MKRN1: variants seen among roughly 807,000 people sequenced by gnomAD.
MKRN1 encodes the protein E3 ubiquitin-protein ligase makorin-1.
Under a neutral mutation model 55.5 loss-of-function variants are expected in MKRN1, and 9 were observed. The ratio of observed to expected loss-of-function variants is 0.16; its 90% CI spans 0.10 to 0.28. The LOEUF is 0.28. MKRN1 is among the 10% of genes least tolerant of loss of function. The pLI is 1.00. For missense variants in MKRN1, 488 were observed against 626.7 expected, an observed-to-expected ratio of 0.78 and a Z score of 2.36; for synonymous variants, 253 against 235.9, an observed-to-expected ratio of 1.07 and a Z score of -0.66.
At chr7:140,477,423 G>A (rs1795156782) in intron 1 of MKRN1, among the ~76,000 whole-genome samples, 1 of 152,032 alleles carries the variant, frequency 6.6e-6, no homozygotes, top group African/African-American at 2.4e-5. Context: ...CTGGGTTCAA[G>A]CAACTCCCTG....
chr7:140,453,442 CCACAAAAACAAA>C lies in MKRN1; in HGVS notation c.*1063_*1074del, dbSNP rs1300383705. ...CTCAGGGGTGGAATGAGGCAAATAC[CCACAAAAACAAA>C]CACAAAAACCCGACAACAAAATGCC... is the stretch of plus-strand genomic sequence containing the variant. On this transcript the variant is annotated 3_prime_UTR_variant, in exon 8 of 8. Coordinates refer to ENST00000255977, the MANE Select transcript of MKRN1 (RefSeq NM_013446.4). 2 of 152,498 alleles carry C rather than the reference CCACAAAAACAAA, an allele frequency of 1.3e-5. No homozygotes were observed. The highest frequency in any genetic ancestry group is 2.4e-5 in the African/African-American group (1 of 41,390). 9.4% of individuals were successfully genotyped at this position (152,498 alleles called of 1,614,324 possible).
At chr7:140,471,817 C>G in intron 2 of MKRN1, 66 bp downstream of exon 2, 1 of 1,569,946 alleles carries the variant, frequency 6.4e-7, no homozygotes, top group Middle Eastern at 1.8e-4. Flanking sequence ...ATAAAGCTAT[C>G]AGAAGTATGT....
chr7:140,462,734 G>A (rs1278131378), intron 2 of MKRN1, among the ~76,000 whole-genome samples: 1 of 152,202 alleles, frequency 6.6e-6, no homozygotes, highest in Admixed American at 6.5e-5. Context: ...GGAGGCTGAG[G>A]TGGGTGGATC....
At chr7:140,455,023 C>T (rs1335774109) in intron 7 of MKRN1, 72 bp downstream of exon 7, 12 of 1,573,030 alleles carry the variant, frequency 7.6e-6, no homozygotes, top group Non-Finnish European at 9.5e-6. Context: ...TCTCCTTCCC[C>T]TACCCCAATA....
intron 3 of MKRN1, 84 bp from the exon 4 acceptor site, chr7:140,459,317 GAAAAT>G: frequency 3.6e-6 from 5 of 1,391,888 alleles, no homozygotes; most frequent in Non-Finnish European, 3.0e-6. Context: ...CGCAAAAAAT[GAAAAT>G]AAAACTGCAA....
chr7:140,474,065 G>C (rs564646288), intron 1 of MKRN1, among the ~76,000 whole-genome samples: 1 of 139,438 alleles, frequency 7.2e-6, no homozygotes, highest in South Asian at 2.5e-4. Flanking sequence ...AAGAAAGAAA[G>C]AATAAAAGAC....
intron 2 of MKRN1, among the ~76,000 whole-genome samples, chr7:140,465,815 C>T (rs1286594617): frequency 1.3e-5 from 2 of 152,068 alleles, no homozygotes; most frequent in African/African-American, 2.4e-5. Flanking sequence ...GGTGTGGTGG[C>T]TCACGCCTGT....
At chr7:140,456,929 C>A in intron 4 of MKRN1, 63 bp from the exon 5 acceptor site, 4 of 1,469,342 alleles carry the variant, frequency 2.7e-6, no homozygotes, top group East Asian at 2.3e-5. Context: ...ACTTGAGCAA[C>A]AGTTAATGAT....
chr7:140,460,597 G>T (rs925386581), intron 2 of MKRN1, among the ~76,000 whole-genome samples: 3 of 151,964 alleles, frequency 2.0e-5, no homozygotes, highest in African/African-American at 7.2e-5. Flanking sequence ...CACCACGTAC[G>T]GCCATATATT....
In MKRN1 at chr7:140,453,229, G is replaced by A. The variant is rs1268923049; in HGVS notation, c.*1288C>T. 2.0e-5 allele frequency: 3 copies of A among 152,582 alleles called. No individual in the cohort carries two copies. Among genetic ancestry groups the A allele is most frequent in the African/African-American group, 7.2e-5 (3 of 41,452 alleles). 9.5% of individuals were successfully genotyped at this position (152,582 alleles called of 1,614,324 possible). A position where few individuals can be genotyped will look rare whatever the true frequency, so the allele number is the denominator to read the frequency against. ...ATCCCCGAGTTATTTTCAGGAAACA[G>A]AGCAACAAAACACAAAGGTACAATT... is the stretch of plus-strand genomic sequence containing the variant. On this transcript the variant is annotated 3_prime_UTR_variant, in exon 8 of 8. Coordinates refer to ENST00000255977, the MANE Select transcript of MKRN1 (RefSeq NM_013446.4).
In MKRN1 at chr7:140,453,814, G is replaced by C. The variant is rs1794396079; in HGVS notation, c.*703C>G. 1.3e-5 allele frequency: 2 copies of C among 155,450 alleles called. No homozygotes were observed. Among genetic ancestry groups the C allele is most frequent in the Admixed American group, 1.3e-4 (2 of 15,998 alleles). The allele number at this position is 155,450 out of a possible 1,614,324, so 9.6% of individuals were successfully genotyped here. ...ACACCCACACACTCACACCATGTCA[G>C]CCCTTGGGAGCCAACTTCCAACTCT... On this transcript the variant is annotated 3_prime_UTR_variant, in exon 8 of 8. Coordinates refer to ENST00000255977, the MANE Select transcript of MKRN1 (RefSeq NM_013446.4).
At chr7:140,455,987 C>G in intron 5 of MKRN1, 87 bp from the exon 6 acceptor site, 1 of 1,222,618 alleles carries the variant, frequency 8.2e-7, no homozygotes, top group Non-Finnish European at 1.2e-6. Context: ...CGCCTCCAGA[C>G]TTAAAGACTT....
At chr7:140,459,527 C>A (rs1794558151) in intron 3 of MKRN1, among the ~76,000 whole-genome samples, 180 bp downstream of exon 3, 1 of 152,104 alleles carries the variant, frequency 6.6e-6, no homozygotes, top group African/African-American at 2.4e-5. Context: ...ATTCATTTCA[C>A]TGGGATTAAA....
At chr7:140,458,891 C>T in intron 4 of MKRN1, 116 bp downstream of exon 4, 2 of 1,117,912 alleles carry the variant, frequency 1.8e-6, no homozygotes, top group Non-Finnish European at 2.6e-6. Flanking sequence ...AACTTCCCTA[C>T]TCACTGATAA....
At position 140,474,485 on chromosome 7, in the gene MKRN1, T is replaced by A. The variant is rs112212371; in HGVS notation, c.186-2474A>T. 1,103 of 295,836 alleles carry A rather than the reference T, an allele frequency of 3.7e-3. 12 individuals are homozygous for A. The highest frequency in any genetic ancestry group is 4.8e-3 in the South Asian group (199 of 41,082). 18.3% of individuals were successfully genotyped at this position (295,836 alleles called of 1,614,324 possible). A position where few individuals can be genotyped will look rare whatever the true frequency, so the allele number is the denominator to read the frequency against. On this transcript the variant is annotated intron_variant, in intron 1 of 7. Transcript: ENST00000255977. The stretch of plus-strand genomic sequence containing the variant: ...TGAACCAGGATCACGCCACTGAGAC[T>A]CCGTCTCAAAAAAAAAATAAATAAA...
At chr7:140,456,923 G>A (rs78256678) in intron 4 of MKRN1, 57 bp from the exon 5 acceptor site, 117,556 of 1,508,940 alleles carry the variant, frequency 0.078, 5,410 homozygotes, top group Non-Finnish European at 0.095. Context: ...TGAAAAACTT[G>A]AGCAACAGTT....
Position 140,479,470 on chromosome 7 carries a change from C to T in MKRN1, c.-126G>A, listed in dbSNP as rs1795228836. 4 of 1,003,800 alleles carry T rather than the reference C, an allele frequency of 4.0e-6. No homozygotes were observed. Among genetic ancestry groups the T allele is most frequent in the Non-Finnish European group, 3.9e-6 (3 of 777,010 alleles). 62.2% of individuals were successfully genotyped at this position (1,003,800 alleles called of 1,614,324 possible). A position where few individuals can be genotyped will look rare whatever the true frequency, so the allele number is the denominator to read the frequency against. ...AAGGACACTGAGGCACCCGTTCGGT[C>T]CCCGCCTGCTACGCGTCGCGTATCT... On this transcript the variant is annotated 5_prime_UTR_variant, in exon 1 of 8. Transcript: ENST00000255977.
chr7:140,477,344 G>C (rs1323730210), intron 1 of MKRN1, among the ~76,000 whole-genome samples: 1 of 150,940 alleles, frequency 6.6e-6, no homozygotes, highest in South Asian at 2.1e-4. Flanking sequence ...TTTTTCTTCT[G>C]ACAGAGTTTC....
chr7:140,468,140 T>C (rs1018795862), intron 2 of MKRN1, among the ~76,000 whole-genome samples: 3 of 152,038 alleles, frequency 2.0e-5, no homozygotes, highest in Non-Finnish European at 4.4e-5. Context: ...TAATTATCTA[T>C]AGCTTTCTGA....
Sources: allele counts gnomAD v4.1 joint callset (sites outside exome capture counted in the v4.1 genomes callset), GRCh38; gene constraint gnomAD v4.1.1; transcripts MANE v1.5; gene names NCBI Gene and HGNC (gene_info 2026-07-23, HGNC 2026-07-21).